CXCL13: variants seen among roughly 807,000 people sequenced by gnomAD.
The protein encoded by CXCL13 is C-X-C motif chemokine ligand 13, also known as C-X-C motif chemokine 13.
In CXCL13, 7 loss-of-function variants were observed where a neutral mutation model predicts 12.2. The ratio of observed to expected loss-of-function variants is 0.57; its 90% CI spans 0.33 to 1.07. The LOEUF is 1.07. Ranked by LOEUF, CXCL13 falls within the 50% of genes least tolerant of loss-of-function variation. CXCL13 has a pLI of 0.04. For missense variants in CXCL13, 113 were observed against 127.4 expected (o/e 0.89, Z 0.55); for synonymous variants, 47 against 42.4 (o/e 1.11, Z -0.42).
chr4:77,546,348 G>C lies in CXCL13; in HGVS notation c.-43+34560G>C, dbSNP rs145524732. On this transcript the variant is annotated intron_variant, in intron 1 of 4. Coordinates refer to the CXCL13 transcript ENST00000286758. Reference sequence around the variant, plus strand: ...GTACCAGCTCTTCTTTGTACCTCTGGTAGAATTCGGCTGTGAATCTGCCTG... The same window carrying C: ...GTACCAGCTCTTCTTTGTACCTCTGCTAGAATTCGGCTGTGAATCTGCCTG... Among the ~76,000 whole-genome samples, 665 of 152,256 alleles carry C rather than the reference G, an allele frequency of 4.4e-3. 16 individuals are homozygous for C. The highest frequency in any genetic ancestry group is 0.026 in the East Asian group (137 of 5,188).
chr4:77,550,007 C>A (rs1054402105), intron 1 of CXCL13, among the ~76,000 whole-genome samples: 2 of 152,232 alleles, frequency 1.3e-5, no homozygotes, highest in Non-Finnish European at 2.9e-5. Context: ...CCAGTTCAAG[C>A]TTCCTAGCTG....
intron 1 of CXCL13, among the ~76,000 whole-genome samples, chr4:77,550,956 CT>C (rs1197424358): frequency 6.6e-6 from 1 of 152,086 alleles, no homozygotes; most frequent in Non-Finnish European, 1.5e-5. Context: ...AACACTTGCC[CT>C]TTTTTGTTCT....
intron 1 of CXCL13, among the ~76,000 whole-genome samples, chr4:77,561,338 T>C (rs1330843386): frequency 6.6e-6 from 1 of 152,140 alleles, no homozygotes; most frequent in Admixed American, 6.5e-5. Context: ...AATATTTAAG[T>C]TTGAGAAGTT....
At position 77,609,475 on chromosome 4, in the gene CXCL13, G is replaced by A. The variant is rs189982886; in HGVS notation, c.198-1139G>A. On this transcript the variant is annotated intron_variant, in intron 2 of 3. Transcript: ENST00000682537. ...CAACAGGTGCACACCACCATGCCCAGCTAGTTTTTTTTATTATTATTTCTG... is the reference window on the plus strand; with the variant it reads ...CAACAGGTGCACACCACCATGCCCAACTAGTTTTTTTTATTATTATTTCTG... Among the ~76,000 whole-genome samples the A allele has an allele frequency of 8.6e-5, 13 of 151,958 alleles. No homozygotes were observed. The East Asian group carries it at 2.5e-3, about 29-fold the overall frequency.
At chr4:77,557,686 G>T (rs1305508698) in intron 1 of CXCL13, among the ~76,000 whole-genome samples, 1 of 152,188 alleles carries the variant, frequency 6.6e-6, no homozygotes, top group Non-Finnish European at 1.5e-5. Context: ...GGCAGGTCCT[G>T]TTATCAGTAA....
chr4:77,607,112 A>G (rs1727017367), intron 1 of CXCL13, among the ~76,000 whole-genome samples: 1 of 152,234 alleles, frequency 6.6e-6, no homozygotes, highest in Non-Finnish European at 1.5e-5. Context: ...ACTCTGTTCC[A>G]GCATGTTATT....
intron 1 of CXCL13, among the ~76,000 whole-genome samples, chr4:77,591,736 G>A (rs1452702623): frequency 6.6e-6 from 1 of 152,036 alleles, no homozygotes; most frequent in Non-Finnish European, 1.5e-5. Flanking sequence ...CAGGACCCAG[G>A]CCACACTTGG....
intron 1 of CXCL13, among the ~76,000 whole-genome samples, chr4:77,542,396 T>G (rs1725225990): frequency 6.6e-6 from 1 of 152,144 alleles, no homozygotes; most frequent in Non-Finnish European, 1.5e-5. Context: ...GATACCAAGT[T>G]TGTTTAAGGT....
At chr4:77,573,254 AAAAAG>A (rs1263006767) in intron 1 of CXCL13, among the ~76,000 whole-genome samples, 2 of 151,930 alleles carry the variant, frequency 1.3e-5, no homozygotes, top group Non-Finnish European at 2.9e-5. Context: ...TAAATTTAAA[AAAAAG>A]AAATTTTCTA....
At chr4:77,597,914 A>G (rs973942787) in intron 1 of CXCL13, among the ~76,000 whole-genome samples, 1 of 152,210 alleles carries the variant, frequency 6.6e-6, no homozygotes, top group African/African-American at 2.4e-5. Flanking sequence ...CAGGTGTATA[A>G]GAGAATCCCT....
intron 1 of CXCL13, among the ~76,000 whole-genome samples, chr4:77,572,119 G>A (rs1726100952): frequency 6.6e-6 from 1 of 151,920 alleles, no homozygotes; most frequent in South Asian, 2.1e-4. Flanking sequence ...TGAAGTCAGT[G>A]AGACCAAGAA....
chr4:77,584,320 C>T (rs1359826343), intron 1 of CXCL13, among the ~76,000 whole-genome samples: 1 of 152,208 alleles, frequency 6.6e-6, no homozygotes, highest in African/African-American at 2.4e-5. Context: ...ACCATTCCCC[C>T]AACATGCCCT....
At chr4:77,518,661 C>T (rs1277923954) in intron 1 of CXCL13, among the ~76,000 whole-genome samples, 2 of 152,122 alleles carry the variant, frequency 1.3e-5, no homozygotes, top group Non-Finnish European at 2.9e-5. Context: ...CCTTTAAGCA[C>T]TTCTCTATAT....
intron 1 of CXCL13, among the ~76,000 whole-genome samples, chr4:77,516,975 T>G (rs1298229461): frequency 6.6e-6 from 1 of 152,200 alleles, no homozygotes; most frequent in East Asian, 1.9e-4. Flanking sequence ...CACACTGCTT[T>G]GAATGTGTCC....
upstream of CXCL13, among the ~76,000 whole-genome samples, chr4:77,601,925 A>G (rs1328787872): frequency 1.3e-5 from 2 of 152,358 alleles, no homozygotes; most frequent in East Asian, 3.9e-4. Flanking sequence ...CTCCAAGGTT[A>G]TAATACTTTT....
upstream of CXCL13, among the ~76,000 whole-genome samples, chr4:77,603,162 T>C (rs1044227499): frequency 2.0e-5 from 3 of 152,148 alleles, no homozygotes; most frequent in Non-Finnish European, 4.4e-5. Flanking sequence ...GTATCACTCA[T>C]TTTTTTGCTC....
In CXCL13 at chr4:77,563,667, G is replaced by T. The variant is rs548974709; in HGVS notation, c.-42-42157G>T. 8.5e-5 allele frequency among the ~76,000 whole-genome samples: 13 copies of T among 152,320 alleles called. No homozygotes were observed. The South Asian group carries it at 2.1e-3, about 24-fold the overall frequency. On this transcript the variant is annotated intron_variant, in intron 1 of 4. Coordinates refer to the CXCL13 transcript ENST00000286758. ...AATAGTGGGATCTTCTTATGAGACTGCTGACAGATGAAAGATGAGATTCTA... is the reference window on the plus strand; with the variant it reads ...AATAGTGGGATCTTCTTATGAGACTTCTGACAGATGAAAGATGAGATTCTA...
At chr4:77,600,687 C>T (rs966778594) in intron 1 of CXCL13, among the ~76,000 whole-genome samples, 18 of 152,150 alleles carry the variant, frequency 1.2e-4, no homozygotes, top group Admixed American at 7.9e-4. Flanking sequence ...ATGTGGTGGC[C>T]TCACTGTTCT....
intron 1 of CXCL13, among the ~76,000 whole-genome samples, chr4:77,551,775 G>T (rs1029135677): frequency 6.6e-6 from 1 of 151,940 alleles, no homozygotes; most frequent in Non-Finnish European, 1.5e-5. Flanking sequence ...CAAAGACTTT[G>T]TTTATTTTTT....
Sources: allele counts gnomAD v4.1 joint callset (sites outside exome capture counted in the v4.1 genomes callset), GRCh38; gene constraint gnomAD v4.1.1; transcripts MANE v1.5; gene names NCBI Gene and HGNC (gene_info 2026-07-23, HGNC 2026-07-21).